Variants in MALRD1 observed in about 807,000 individuals in gnomAD.
MALRD1 encodes MAM and LDL receptor class A domain containing 1, also known as MAM and LDL-receptor class A domain-containing protein 1.
MALRD1 carries 247 observed loss-of-function variants against 242.1 expected under a neutral mutation model. The observed-to-expected ratio is 1.02, with a 90% confidence interval of 0.92 to 1.13. The LOEUF is 1.13. MALRD1 is among the 50% of genes most tolerant of loss of function. The pLI is 0.00. For synonymous variants in MALRD1, 995 were observed against 866.6 expected, an observed-to-expected ratio of 1.15 and a Z score of -2.60; for missense variants, 2,989 against 2,533.1, an observed-to-expected ratio of 1.18 and a Z score of -3.86.
intron 24 of MALRD1, among the ~76,000 whole-genome samples, chr10:19,340,570 A>G (rs952647907): frequency 1.2e-4 from 19 of 152,258 alleles, no homozygotes; most frequent in African/African-American, 3.6e-4. Context: ...CATTGGCCAT[A>G]CAAAGTCACA....
chr10:19,587,216 C>T (rs528230085), intron 33 of MALRD1, among the ~76,000 whole-genome samples: 18 of 152,300 alleles, frequency 1.2e-4, no homozygotes, highest in South Asian at 4.1e-4. Context: ...AGCTGTAGAC[C>T]GGAGCTGTTC....
chr10:19,496,785 G>A (rs908740152), intron 30 of MALRD1, among the ~76,000 whole-genome samples: 11 of 152,160 alleles, frequency 7.2e-5, no homozygotes, highest in Admixed American at 7.2e-4. Context: ...GGGTCAGCCT[G>A]GCTGTGTGGC....
chr10:19,682,308 TAGTG>T (rs757043316), intron 36 of MALRD1, among the ~76,000 whole-genome samples: 138 of 152,244 alleles, frequency 9.1e-4, no homozygotes, highest in Non-Finnish European at 1.6e-3. Context: ...TTCCAGGTGT[TAGTG>T]AGTAATGAAT....
At chr10:19,378,477 T>G (rs925934804) in intron 26 of MALRD1, among the ~76,000 whole-genome samples, 7 of 152,306 alleles carry the variant, frequency 4.6e-5, no homozygotes, top group African/African-American at 1.7e-4. Flanking sequence ...AAGACATGCA[T>G]AGTTGAAAGA....
At chr10:19,175,413 C>A in intron 14 of MALRD1, 85 bp downstream of exon 14, 1 of 987,494 alleles carries the variant, frequency 1.0e-6, no homozygotes, top group South Asian at 5.1e-5. Context: ...ATTAGAGTCA[C>A]GAATACCTAA....
chr10:19,337,674 T>C (rs1263436683), intron 24 of MALRD1, among the ~76,000 whole-genome samples: 5 of 152,182 alleles, frequency 3.3e-5, no homozygotes, highest in Non-Finnish European at 2.9e-5. Context: ...AATTTACAAA[T>C]ATTTATCATC....
chr10:19,213,095 GTTC>G (rs1252994240), intron 18 of MALRD1, among the ~76,000 whole-genome samples: 12 of 152,026 alleles, frequency 7.9e-5, no homozygotes, highest in African/African-American at 2.7e-4. Context: ...AATTTGATGA[GTTC>G]TTCTTATCAA....
chr10:19,166,788 A>C (rs1434517352), intron 13 of MALRD1, among the ~76,000 whole-genome samples: 1 of 152,190 alleles, frequency 6.6e-6, no homozygotes, highest in Non-Finnish European at 1.5e-5. Flanking sequence ...TCCTGTATAT[A>C]AGTCTTCTGG....
intron 2 of MALRD1, among the ~76,000 whole-genome samples, chr10:19,070,836 CTTTTTTTTTTTTTTTTTT>C: frequency 1.9e-5 from 1 of 52,470 alleles, no homozygotes; most frequent in South Asian, 1.1e-3. Flanking sequence ...AAATGACAAA[CTTTTTTTTTTTTTTTTTT>C]TTTTTTTTTT....
Position 19,324,052 on chromosome 10 carries a change from T to G in MALRD1, c.3523T>G (p.Cys1175Gly). 1 of 1,550,662 alleles carries G rather than the reference T, an allele frequency of 6.4e-7. No individual in the cohort carries two copies. Among genetic ancestry groups the G allele is most frequent in the Non-Finnish European group, 8.7e-7 (1 of 1,146,886 alleles). Residue 1175 changes from cysteine to glycine, a missense_variant, in exon 22 of 40, where the codon TGT becomes GGT. Physicochemically the swap from Cys to Gly is radical, Grantham distance 159. Coordinates refer to ENST00000454679, the MANE Select transcript of MALRD1 (RefSeq NM_001142308.3). ...TATCATTTCACTCACGGGACCAAAA[T>G]GTACCTTGGTGTTCTGGACACATAT... ...TPIISLTGPK[C>G]TLVFWTHMNG...
At chr10:19,498,797 C>A (rs1299711870) in intron 31 of MALRD1, among the ~76,000 whole-genome samples, 151 bp downstream of exon 31, 4 of 152,134 alleles carry the variant, frequency 2.6e-5, no homozygotes, top group Admixed American at 2.0e-4. Context: ...TCTTCTATTG[C>A]AAACTCTGAA....
At chr10:19,528,464 A>G (rs906296400) in intron 31 of MALRD1, among the ~76,000 whole-genome samples, 8 of 152,176 alleles carry the variant, frequency 5.3e-5, no homozygotes, top group African/African-American at 1.9e-4. Flanking sequence ...TTGGTGGCAC[A>G]CACCTATAGT....
intron 1 of MALRD1, among the ~76,000 whole-genome samples, chr10:19,064,558 T>A (rs1834913825): frequency 6.6e-6 from 1 of 151,996 alleles, no homozygotes; most frequent in South Asian, 2.1e-4. Flanking sequence ...ATTAGATTCA[T>A]TTTATAACAA....
intron 9 of MALRD1, among the ~76,000 whole-genome samples, chr10:19,136,200 A>C (rs1833329544): frequency 6.6e-6 from 1 of 152,200 alleles, no homozygotes; most frequent in Non-Finnish European, 1.5e-5. Context: ...TTGAAAATGA[A>C]AGAAAGAGAG....
chr10:19,555,555 G>T (rs1564437503), intron 32 of MALRD1, among the ~76,000 whole-genome samples: 1 of 152,120 alleles, frequency 6.6e-6, no homozygotes, highest in Admixed American at 6.6e-5. Context: ...ATTTAAGGGG[G>T]TTGGCAATGT....
chr10:19,288,184 A>G (rs899164509), intron 21 of MALRD1, among the ~76,000 whole-genome samples: 9 of 151,884 alleles, frequency 5.9e-5, no homozygotes, highest in African/African-American at 2.2e-4. Context: ...TTGTGGGTAC[A>G]TGGTAGGTGT....
chr10:19,604,129 A>T (rs1189548212), intron 34 of MALRD1, among the ~76,000 whole-genome samples: 2 of 152,198 alleles, frequency 1.3e-5, no homozygotes, highest in Non-Finnish European at 2.9e-5. Flanking sequence ...CTCTTGCTCC[A>T]AACAGCCAAG....
chr10:19,250,820 C>CCTCT (rs141827654), intron 18 of MALRD1, among the ~76,000 whole-genome samples: 2 of 150,104 alleles, frequency 1.3e-5, no homozygotes, highest in Non-Finnish European at 1.5e-5. Context: ...CGTCTCTCTG[C>CCTCT]CTCTCTCTCT....
intron 34 of MALRD1, among the ~76,000 whole-genome samples, chr10:19,600,015 T>C (rs1374254587): frequency 6.6e-6 from 1 of 152,064 alleles, no homozygotes; most frequent in Non-Finnish European, 1.5e-5. Flanking sequence ...ATGGAAACTA[T>C]CCATCAGTGA....
Sources: allele counts gnomAD v4.1 joint callset (sites outside exome capture counted in the v4.1 genomes callset), GRCh38; gene constraint gnomAD v4.1.1; transcripts MANE v1.5; gene names NCBI Gene and HGNC (gene_info 2026-07-23, HGNC 2026-07-21).